Variants in LRP1B observed in about 807,000 individuals in gnomAD.
LRP1B encodes low-density lipoprotein receptor-related protein 1B.
LRP1B carries 217 observed loss-of-function variants against 556.6 expected under a neutral mutation model. The observed-to-expected ratio is 0.39, with a 90% CI of 0.35 to 0.44. The LOEUF is 0.44. Ranked by LOEUF, LRP1B falls within the 20% of genes least tolerant of loss-of-function variation. The pLI is 1.00. For synonymous variants in LRP1B, 2,047 were observed against 1,865.8 expected (o/e 1.10, Z -2.50); for missense variants, 5,053 against 5,620.8 (o/e 0.90, Z 3.23).
chr2:140,384,349 T>A (rs2105195495), intron 67 of LRP1B, among the ~76,000 whole-genome samples: 1 of 152,246 alleles, frequency 6.6e-6, no homozygotes, highest in East Asian at 1.9e-4. Flanking sequence ...ATTTTTTATA[T>A]TTATGCTTCT....
chr2:141,483,361 C>A lies in LRP1B; in HGVS notation c.206-2828G>T, dbSNP rs1469733486. ...CCACATTTGCTTAATCCAGTCTATC[C>A]TTGTTGGACATTTAGGTTGGTTCCA... On this transcript the variant is annotated intron_variant, in intron 2 of 90. Coordinates refer to ENST00000389484, the MANE Select transcript of LRP1B (RefSeq NM_018557.3). Among the ~76,000 whole-genome samples, 8 of 147,986 alleles carry A rather than the reference C, an allele frequency of 5.4e-5. No individual in the cohort carries two copies. The South Asian group carries it at 6.6e-4, about 12-fold the overall frequency.
chr2:141,269,123 G>C (rs2105365451), intron 3 of LRP1B, among the ~76,000 whole-genome samples: 1 of 152,272 alleles, frequency 6.6e-6, no homozygotes, highest in East Asian at 1.9e-4. Flanking sequence ...CTCACCTTAA[G>C]AATATTAACT....
chr2:142,031,612 TAAAAAAAAAATGACATATTGTCATTTCTA>T (rs534993233), intron 1 of LRP1B, among the ~76,000 whole-genome samples: 4,365 of 143,974 alleles, frequency 0.03, 69 homozygotes, highest in Non-Finnish European at 0.038. Flanking sequence ...TATTGTCAAC[TAAAAAAAAAATGACATATTGTCATTTCTA>T]AAAAAAAAAT....
At chr2:141,901,357 A>G (rs1699613766) in intron 1 of LRP1B, among the ~76,000 whole-genome samples, 1 of 151,992 alleles carries the variant, frequency 6.6e-6, no homozygotes, top group South Asian at 2.1e-4. Context: ...TGAGAAAAGG[A>G]GAATTGAATT....
intron 20 of LRP1B, among the ~76,000 whole-genome samples, chr2:140,933,325 T>C (rs1695109084): frequency 6.6e-6 from 1 of 152,112 alleles, no homozygotes; most frequent in South Asian, 2.1e-4. Context: ...CTTTATCCCA[T>C]TGCTTATTTC....
At chr2:141,142,176 G>A (rs1314467430) in intron 7 of LRP1B, among the ~76,000 whole-genome samples, 1 of 152,118 alleles carries the variant, frequency 6.6e-6, no homozygotes, top group Non-Finnish European at 1.5e-5. Flanking sequence ...TTTGAGACGT[G>A]AAAGAACCTT....
At chr2:141,211,339 G>C (rs1386338886) in intron 6 of LRP1B, among the ~76,000 whole-genome samples, 2 of 151,406 alleles carry the variant, frequency 1.3e-5, no homozygotes, top group African/African-American at 4.9e-5. Context: ...TAAGCATTCA[G>C]GGCCGGGCAC....
intron 7 of LRP1B, among the ~76,000 whole-genome samples, chr2:141,114,533 T>G (rs1341998105): frequency 6.6e-6 from 1 of 152,148 alleles, no homozygotes; most frequent in Non-Finnish European, 1.5e-5. Context: ...AAAACTCCTC[T>G]TGATATTCAG....
chr2:140,428,068 G>T (rs1685740268), intron 66 of LRP1B, among the ~76,000 whole-genome samples: 1 of 152,080 alleles, frequency 6.6e-6, no homozygotes, highest in Admixed American at 6.6e-5. Context: ...CCAATTCATG[G>T]CTTGTTTGGC....
chr2:140,272,249 GCACACACAAACACACACA>G (rs1418524956), intron 85 of LRP1B, among the ~76,000 whole-genome samples: 1 of 72,784 alleles, frequency 1.4e-5, no homozygotes, highest in Non-Finnish European at 2.7e-5. Flanking sequence ...CAGCGTATGT[GCACACACAAACACACACA>G]CACACACACA....
At chr2:142,088,439 C>T (rs1234312499) in intron 1 of LRP1B, among the ~76,000 whole-genome samples, 1 of 151,906 alleles carries the variant, frequency 6.6e-6, no homozygotes, top group Non-Finnish European at 1.5e-5. Flanking sequence ...TTAATATAAG[C>T]CATAGTGAGT....
At chr2:140,330,177 G>T (rs1421265807) in intron 79 of LRP1B, among the ~76,000 whole-genome samples, 1 of 147,698 alleles carries the variant, frequency 6.8e-6, no homozygotes, top group African/African-American at 2.5e-5. Context: ...TACAGCCTGG[G>T]CGACAGAGCA....
intron 86 of LRP1B, among the ~76,000 whole-genome samples, chr2:140,252,062 C>A (rs1299528108): frequency 3.2e-4 from 6 of 18,560 alleles, no homozygotes; most frequent in East Asian, 5.6e-3. Flanking sequence ...TGACAAGATG[C>A]AAAAAAAAAA....
intron 66 of LRP1B, among the ~76,000 whole-genome samples, chr2:140,419,187 A>T (rs1282216776): frequency 6.6e-6 from 1 of 152,238 alleles, no homozygotes; most frequent in Non-Finnish European, 1.5e-5. Context: ...TAGATATCAT[A>T]GCAAAGAATA....
intron 35 of LRP1B, among the ~76,000 whole-genome samples, chr2:140,768,136 T>G (rs1290166480): frequency 6.6e-6 from 1 of 151,952 alleles, no homozygotes; most frequent in African/African-American, 2.4e-5. Context: ...AACATTTGCC[T>G]CTATCCAATT....
intron 3 of LRP1B, among the ~76,000 whole-genome samples, chr2:141,383,830 C>T (rs1457352482): frequency 2.0e-5 from 3 of 152,016 alleles, no homozygotes; most frequent in South Asian, 2.1e-4. Context: ...GAGAGTAGAA[C>T]GGTATTTAAC....
chr2:140,615,285 C>A lies in LRP1B; in HGVS notation c.6800-13646G>T, dbSNP rs79296780. Among the ~76,000 whole-genome samples the A allele has an allele frequency of 2.9e-3, 446 of 152,152 alleles. 5 individuals are homozygous for A. The highest frequency in any genetic ancestry group is 0.01 in the African/African-American group (435 of 41,528). On this transcript the variant is annotated intron_variant, in intron 41 of 90. Coordinates refer to ENST00000389484, the MANE Select transcript of LRP1B (RefSeq NM_018557.3). ...CTCAGTGTAAAAAGACAGCTTCAAC[C>A]CTCTATGGTTTCATCCCTGACCCAA...
intron 1 of LRP1B, among the ~76,000 whole-genome samples, chr2:142,114,670 A>G (rs1045798410): frequency 5.3e-5 from 8 of 152,108 alleles, no homozygotes; most frequent in Non-Finnish European, 1.0e-4. Context: ...CAGGCCCAAA[A>G]AGGCAAGTAT....
intron 10 of LRP1B, among the ~76,000 whole-genome samples, chr2:141,051,692 A>G (rs1442699160): frequency 6.6e-6 from 1 of 152,118 alleles, no homozygotes; most frequent in Non-Finnish European, 1.5e-5. Flanking sequence ...GTTTATTTTA[A>G]ATTTTTAAAA....
Sources: gnomAD v4.1 joint callset for allele counts (sites outside exome capture counted in the v4.1 genomes callset) on GRCh38, gnomAD v4.1.1 for gene constraint, MANE v1.5 for transcripts, NCBI Gene and HGNC (gene_info 2026-07-23, HGNC 2026-07-21) for gene names.